Variants in IKZF1 observed in about 807,000 individuals in gnomAD.
IKZF1 encodes the protein IKAROS family zinc finger 1.
In IKZF1, 10 loss-of-function variants were observed where a neutral mutation model predicts 51.7. The ratio of observed to expected loss-of-function variants is 0.19; its 90% confidence interval spans 0.12 to 0.33. The LOEUF is 0.33. Ranked by LOEUF, IKZF1 falls within the 10% of genes least tolerant of loss-of-function variation. The pLI, the probability that IKZF1 is intolerant of heterozygous loss-of-function variation, is 1.00. For synonymous variants in IKZF1, 280 were observed against 282.3 expected, an observed-to-expected ratio of 0.99 and a Z score of 0.08; for missense variants, 484 against 707.5, an observed-to-expected ratio of 0.68 and a Z score of 3.58.
At chr7:50,391,231 G>T (rs1225468269) in intron 6 of IKZF1, among the ~76,000 whole-genome samples, 2 of 152,122 alleles carry the variant, frequency 1.3e-5, no homozygotes, top group Non-Finnish European at 1.5e-5. Context: ...AGGGGCTCTG[G>T]GTTTTTCCTC....
At chr7:50,348,371 GC>G (rs1348215016) in intron 3 of IKZF1, among the ~76,000 whole-genome samples, 1 of 152,184 alleles carries the variant, frequency 6.6e-6, no homozygotes, top group African/African-American at 2.4e-5. Context: ...TTTGTAAGAT[GC>G]CCCACACGTT....
intron 3 of IKZF1, among the ~76,000 whole-genome samples, chr7:50,347,800 C>T (rs1162685365): frequency 2.0e-5 from 3 of 152,106 alleles, no homozygotes; most frequent in Admixed American, 1.3e-4. Context: ...ACCATCGATA[C>T]GGAAAGATTT....
chr7:50,377,837 CAT>C (rs1810730812), intron 4 of IKZF1, among the ~76,000 whole-genome samples: 1 of 152,200 alleles, frequency 6.6e-6, no homozygotes, highest in South Asian at 2.1e-4. Flanking sequence ...AAACGTGAAA[CAT>C]AGAGACCCTA....
intron 3 of IKZF1, among the ~76,000 whole-genome samples, chr7:50,334,803 G>A (rs1797253748): frequency 6.7e-6 from 1 of 149,894 alleles, no homozygotes; most frequent in Admixed American, 6.7e-5. Context: ...TGTGTGGGAT[G>A]CATGATGTGT....
chr7:50,304,134 C>G (rs1788203566), upstream of IKZF1: 13 of 147,908 alleles, frequency 8.8e-5, no homozygotes, highest in South Asian at 2.7e-3. Context: ...GCACCCGCCG[C>G]CGCCCCGGCG....
chr7:50,399,498 A>C (rs1245816944), intron 7 of IKZF1, among the ~76,000 whole-genome samples: 1 of 151,916 alleles, frequency 6.6e-6, no homozygotes, highest in Non-Finnish European at 1.5e-5. Context: ...AATTCAATAA[A>C]TGTATAGTAA....
rs537660337 is a variant in IKZF1 at position 50,328,937 on chromosome 7, G to A, written c.160+1180G>A. ...AAATACAAAAAATTAGCCGGGCGTA[G>A]TGGTGGGCGCCTGTAGTCCCAGCTA... On this transcript the variant is annotated intron_variant, in intron 3 of 7. Coordinates refer to ENST00000331340, the MANE Select transcript of IKZF1 (RefSeq NM_006060.6). The A allele has an allele frequency of 2.0e-5, 3 of 152,174 alleles. No homozygotes were observed. In the East Asian group the frequency reaches 5.8e-4, roughly 29 times the overall value. 9.4% of individuals were successfully genotyped at this position (152,174 alleles called of 1,614,324 possible).
At chr7:50,373,264 C>T (rs941664923) in intron 3 of IKZF1, among the ~76,000 whole-genome samples, 2 of 152,234 alleles carry the variant, frequency 1.3e-5, no homozygotes, top group African/African-American at 4.8e-5. Context: ...TGCTGTTCTG[C>T]TCCCCACCTG....
In IKZF1 at chr7:50,400,983, G is replaced by C; in HGVS notation, c.*356G>C. The C allele has an allele frequency of 2.5e-6, 1 of 404,194 alleles. No individual in the cohort carries two copies. The highest frequency in any genetic ancestry group is 4.5e-6 in the Non-Finnish European group (1 of 220,640). 25.0% of individuals were successfully genotyped at this position (404,194 alleles called of 1,614,324 possible). ...AAATAGATAAAACACGCCACAGCCT[G>C]GGAAGGAGCGTGCTCTACCCTGTGC... On this transcript the variant is annotated 3_prime_UTR_variant, in exon 8 of 8. Coordinates refer to ENST00000331340, the MANE Select transcript of IKZF1 (RefSeq NM_006060.6). The surrounding 1 kb of genome is among the most constrained non-coding windows in gnomAD (Gnocchi z 5.4).
chr7:50,310,262 A>C (rs1327505519), intron 1 of IKZF1, among the ~76,000 whole-genome samples: 1 of 152,202 alleles, frequency 6.6e-6, no homozygotes, highest in East Asian at 1.9e-4. Context: ...AAGAGCAGAC[A>C]ATGTTTTGTT....
intron 4 of IKZF1, among the ~76,000 whole-genome samples, chr7:50,378,061 T>A (rs1321719836): frequency 6.6e-6 from 1 of 152,214 alleles, no homozygotes; most frequent in East Asian, 1.9e-4. Context: ...TCATCAAAAA[T>A]TAAGCAGAAA....
chr7:50,351,755 G>A (rs545800284), intron 3 of IKZF1, among the ~76,000 whole-genome samples: 2 of 152,298 alleles, frequency 1.3e-5, no homozygotes, highest in East Asian at 3.9e-4. Context: ...AGGGGAAGGA[G>A]CATTTCAAGA....
rs1818635521 is a variant in IKZF1 at position 50,404,336 on chromosome 7, T to C, written c.*3709T>C. The C allele has an allele frequency of 1.3e-5, 3 of 224,842 alleles. No homozygotes were observed. The highest frequency in any genetic ancestry group is 1.1e-4 in the Admixed American group (2 of 17,466). 13.9% of individuals were successfully genotyped at this position (224,842 alleles called of 1,614,324 possible). On this transcript the variant is annotated 3_prime_UTR_variant, in exon 8 of 8. Transcript: ENST00000331340. ...TGATGTTAAATTATTGCTGTTTAGC[T>C]GTGAACAAGGGATGTACCACTGGAG...
At chr7:50,335,169 A>T (rs1289774408) in intron 3 of IKZF1, among the ~76,000 whole-genome samples, 2 of 136,530 alleles carry the variant, frequency 1.5e-5, no homozygotes, top group African/African-American at 5.6e-5. Context: ...GGGATATATG[A>T]TGTGTATGGG....
chr7:50,325,167 A>G (rs1231190222), intron 2 of IKZF1, among the ~76,000 whole-genome samples: 1 of 151,886 alleles, frequency 6.6e-6, no homozygotes, highest in Middle Eastern at 3.2e-3. Context: ...TGCCTCCCCA[A>G]ATTGCAAGCT....
intron 3 of IKZF1, among the ~76,000 whole-genome samples, chr7:50,348,224 T>C (rs945926889): frequency 7.9e-5 from 12 of 152,260 alleles, no homozygotes; most frequent in African/African-American, 2.7e-4. Flanking sequence ...ATTCATTTTT[T>C]AAGTTTGTCA....
chr7:50,324,020 A>C (rs1037246324), intron 2 of IKZF1, among the ~76,000 whole-genome samples: 1 of 152,228 alleles, frequency 6.6e-6, no homozygotes, highest in Non-Finnish European at 1.5e-5. Context: ...CTGGGTCACT[A>C]ACTCCTAGTC....
chr7:50,326,813 A>C (rs1311678180), intron 2 of IKZF1, among the ~76,000 whole-genome samples: 1 of 152,330 alleles, frequency 6.6e-6, no homozygotes, highest in African/African-American at 2.4e-5. Flanking sequence ...CCCAGTAGGC[A>C]TGGGGTTCCC....
intron 2 of IKZF1, among the ~76,000 whole-genome samples, chr7:50,320,232 A>G (rs764531046): frequency 1.3e-5 from 2 of 152,182 alleles, no homozygotes; most frequent in Non-Finnish European, 2.9e-5. Flanking sequence ...ATTCTCATGA[A>G]TGAGAATTAT....
Sources: allele counts gnomAD v4.1 joint callset (sites outside exome capture counted in the v4.1 genomes callset), GRCh38; gene constraint gnomAD v4.1.1; non-coding constraint Gnocchi (gnomAD v3.1); transcripts MANE v1.5; gene names NCBI Gene and HGNC (gene_info 2026-07-23, HGNC 2026-07-21).